Variants in ATG7 observed in about 807,000 individuals in gnomAD.
The protein encoded by ATG7 is autophagy related 7.
A neutral mutation model predicts 82.4 loss-of-function variants in ATG7; 70 were observed. The ratio of observed to expected loss-of-function variants is 0.85; its 90% CI spans 0.70 to 1.04. The LOEUF is 1.04. Ranked by LOEUF, ATG7 falls within the 50% of genes least tolerant of loss-of-function variation. ATG7 has a pLI of 0.00. For synonymous variants in ATG7, 287 were observed against 313.0 expected, an observed-to-expected ratio of 0.92 and a Z score of 0.88; for missense variants, 792 against 864.3, an observed-to-expected ratio of 0.92 and a Z score of 1.05.
At chr3:11,339,309 A>AAAAG (rs769881521) in intron 11 of ATG7, among the ~76,000 whole-genome samples, 4 of 132,138 alleles carry the variant, frequency 3.0e-5, no homozygotes, top group East Asian at 4.6e-4. Context: ...AAAAAAAAAA[A>AAAAG]AAAAGAAAAG....
chr3:11,552,903 T>C (rs947928093), intron 20 of ATG7, among the ~76,000 whole-genome samples: 2 of 152,146 alleles, frequency 1.3e-5, no homozygotes, highest in Non-Finnish European at 2.9e-5. Context: ...GATGATAAAA[T>C]GGGTAACACC....
In ATG7 at chr3:11,297,551, G is replaced by C. The variant is rs562499813; in HGVS notation, c.-10-1135G>C. ...GGAGAGTATGGAGGGATTATAGAAA[G>C]TTACAGTATACGTATGCATGATTGC... On this transcript the variant is annotated intron_variant, in intron 3 of 20. Transcript: ENST00000693202. Among the ~76,000 whole-genome samples the C allele has an allele frequency of 7.3e-4, 111 of 152,100 alleles. 1 individual carries two copies. Among genetic ancestry groups the C allele is most frequent in the Admixed American group, 1.2e-3 (18 of 15,268 alleles).
intron 9 of ATG7, among the ~76,000 whole-genome samples, chr3:11,330,087 A>G (rs1029826951): frequency 1.3e-5 from 2 of 152,176 alleles, no homozygotes; most frequent in African/African-American, 2.4e-5. Context: ...TTTTGGAAAA[A>G]ATACCACTGA....
At chr3:11,324,479 A>G (rs1411264608) in intron 9 of ATG7, among the ~76,000 whole-genome samples, 4 of 152,296 alleles carry the variant, frequency 2.6e-5, no homozygotes, top group Non-Finnish European at 5.9e-5. Context: ...TTCTGCACTT[A>G]TGCCTCATAT....
intron 3 of ATG7, among the ~76,000 whole-genome samples, chr3:11,289,357 A>C (rs1944585537): frequency 2.6e-5 from 4 of 152,162 alleles, no homozygotes; most frequent in Admixed American, 2.6e-4. Context: ...CGCTGTAGTG[A>C]TGTTACATAG....
chr3:11,291,670 A>T (rs1382043819), intron 3 of ATG7, among the ~76,000 whole-genome samples: 1 of 152,224 alleles, frequency 6.6e-6, no homozygotes, highest in African/African-American at 2.4e-5. Context: ...GCTGTTATTT[A>T]AATAGTTTTT....
chr3:11,285,349 T>A (rs1943816573), intron 3 of ATG7, among the ~76,000 whole-genome samples: 2 of 151,660 alleles, frequency 1.3e-5, no homozygotes, highest in Non-Finnish European at 1.5e-5. Flanking sequence ...AATTTTTTTT[T>A]ATTTTTTGTA....
At chr3:11,436,448 C>T (rs2083376928) in intron 20 of ATG7, among the ~76,000 whole-genome samples, 1 of 152,082 alleles carries the variant, frequency 6.6e-6, no homozygotes, top group Non-Finnish European at 1.5e-5. Flanking sequence ...ACCATGTGAC[C>T]CAGGGATTGT....
the ATG7 span, among the ~76,000 whole-genome samples, chr3:11,573,241 A>AAG: frequency 7.8e-5 from 9 of 115,692 alleles, 1 homozygote; most frequent in African/African-American, 3.4e-4. Context: ...AAAGAAAAGA[A>AAG]ATAGAGAAAG....
chr3:11,476,397 C>T (rs565400571), intron 20 of ATG7, among the ~76,000 whole-genome samples: 3 of 151,062 alleles, frequency 2.0e-5, no homozygotes, highest in Admixed American at 6.6e-5. Flanking sequence ...CACCAGTTGA[C>T]CTGAACTTTA....
chr3:11,402,427 C>T (rs149850660), intron 19 of ATG7, among the ~76,000 whole-genome samples: 227 of 152,066 alleles, frequency 1.5e-3, no homozygotes, highest in Non-Finnish European at 2.5e-3. Context: ...AGTGAGACTC[C>T]GTCTCAAAAA....
At chr3:11,353,646 C>T (rs1043038116) in intron 14 of ATG7, among the ~76,000 whole-genome samples, 2 of 151,994 alleles carry the variant, frequency 1.3e-5, no homozygotes, top group African/African-American at 2.4e-5. Context: ...AGTGAGTTCT[C>T]GACCTCTTAG....
At chr3:11,359,540 C>G (rs992020767) in intron 15 of ATG7, among the ~76,000 whole-genome samples, 3 of 151,594 alleles carry the variant, frequency 2.0e-5, no homozygotes, top group Non-Finnish European at 4.4e-5. Flanking sequence ...AGAAGAAAAA[C>G]AAAAAATTAG....
intron 19 of ATG7, among the ~76,000 whole-genome samples, chr3:11,420,207 A>G (rs2081806300): frequency 6.6e-6 from 1 of 152,224 alleles, no homozygotes; most frequent in Non-Finnish European, 1.5e-5. Flanking sequence ...ACTTCACAGC[A>G]CATAAAAAGA....
chr3:11,558,901 C>T, downstream of ATG7: 1 of 1,539,042 alleles, frequency 6.5e-7, no homozygotes, highest in Non-Finnish European at 8.8e-7. Flanking sequence ...CAGCACCCTC[C>T]CTCAGGCAGC....
intron 20 of ATG7, among the ~76,000 whole-genome samples, chr3:11,448,083 A>G (rs769134417): frequency 2.0e-5 from 3 of 152,180 alleles, no homozygotes; most frequent in Non-Finnish European, 4.4e-5. Flanking sequence ...TTTGTCCCCA[A>G]GCTTGACTCA....
At position 11,356,697 on chromosome 3, in the gene ATG7, T is replaced by C. The variant is rs184506250; in HGVS notation, c.1285-1721T>C. 5.8e-3 allele frequency among the ~76,000 whole-genome samples: 886 copies of C among 152,344 alleles called. 34 individuals are homozygous for C. Among genetic ancestry groups the C allele is most frequent in the Non-Finnish European group, 7.2e-4 (49 of 68,042 alleles). ...ACCACCATTTAACATGCTTTGTCAA[T>C]TGTAGTATGTCAGTAAGGTATTGCA... On this transcript the variant is annotated intron_variant, in intron 14 of 20. Transcript: ENST00000693202.
chr3:11,574,785 A>AGGTGTG, the ATG7 span, among the ~76,000 whole-genome samples: 1 of 121,700 alleles, frequency 8.2e-6, no homozygotes, highest in Admixed American at 8.3e-5. Context: ...TCAACTATAT[A>AGGTGTG]TGTGTGTGTG....
intron 19 of ATG7, among the ~76,000 whole-genome samples, chr3:11,390,469 T>C (rs528638480): frequency 6.6e-6 from 1 of 152,346 alleles, no homozygotes; most frequent in East Asian, 1.9e-4. Context: ...AAATGAGACC[T>C]ATGTCATCCT....
Sources: gnomAD v4.1 joint callset for allele counts (sites outside exome capture counted in the v4.1 genomes callset) on GRCh38, gnomAD v4.1.1 for gene constraint, MANE v1.5 for transcripts, NCBI Gene and HGNC (gene_info 2026-07-23, HGNC 2026-07-21) for gene names.